Variants in INVS observed in about 807,000 individuals in gnomAD.
INVS encodes inversion of embryo turning homolog.
In INVS, 86 loss-of-function variants were observed where a neutral mutation model predicts 108.8. That is an observed-to-expected ratio of 0.79 (90% CI 0.66 to 0.95). The LOEUF (loss-of-function observed/expected upper bound fraction) is 0.95, where lower values mean the gene tolerates loss of function less well. Ranked by LOEUF, INVS falls within the 40% of genes least tolerant of loss-of-function variation. The probability of loss-of-function intolerance (pLI) is 0.00; values close to 1 mark genes in which losing one functional copy is unlikely to be tolerated. For missense variants in INVS, 1,169 were observed against 1,297.4 expected, an observed-to-expected ratio of 0.90 and a Z score of 1.52; for synonymous variants, 455 against 473.5, an observed-to-expected ratio of 0.96 and a Z score of 0.51.
chr9:100,147,421 C>G (rs1480582880), intron 3 of INVS, among the ~76,000 whole-genome samples: 3 of 152,134 alleles, frequency 2.0e-5, no homozygotes. Context: ...AAAATATGTT[C>G]AAATATACGT....
At position 100,155,157 on chromosome 9, in the gene INVS, G is replaced by A. The variant is rs187850023; in HGVS notation, c.273+28608G>A. ...ACCCGGGAGGCAGAGGTTGCAGAGA[G>A]CCGAGATAGTGCCATTGCACTCCAG... is the stretch of plus-strand genomic sequence containing the variant. On this transcript the variant is annotated intron_variant, in intron 3 of 16. Transcript: ENST00000262457. Among the ~76,000 whole-genome samples the A allele has an allele frequency of 2.4e-3, 355 of 150,958 alleles. 3 individuals are homozygous for A. The highest frequency in any genetic ancestry group is 2.4e-3 in the Admixed American group (37 of 15,148).
rs115514728 is a variant in INVS at position 100,201,958 on chromosome 9, G to A, written c.274-24104G>A. Among the ~76,000 whole-genome samples the A allele has an allele frequency of 4.5e-3, 680 of 152,282 alleles. 7 individuals carry two copies. The highest frequency in any genetic ancestry group is 0.015 in the African/African-American group (635 of 41,562). The stretch of plus-strand genomic sequence containing the variant: ...ACAAGCCAGTGTTAGTATGCTGAGT[G>A]TCCCATACAAGCAAGTCTGGCCATA... On this transcript the variant is annotated intron_variant, in intron 3 of 16. Transcript: ENST00000262457.
At chr9:100,270,522 A>C (rs1832918726) in intron 11 of INVS, among the ~76,000 whole-genome samples, 1 of 152,022 alleles carries the variant, frequency 6.6e-6, no homozygotes, top group Non-Finnish European at 1.5e-5. Flanking sequence ...AGGTGGTCGG[A>C]TCACCTGAGG....
chr9:100,218,215 A>G lies in INVS; in HGVS notation c.274-7847A>G, dbSNP rs543218371. Among the ~76,000 whole-genome samples, 9 of 152,350 alleles carry G rather than the reference A, an allele frequency of 5.9e-5. No homozygotes were observed. The South Asian group carries it at 1.9e-3, about 32-fold the overall frequency. On this transcript the variant is annotated intron_variant, in intron 3 of 16. Coordinates refer to ENST00000262457, the MANE Select transcript of INVS (RefSeq NM_014425.5). ...ACAAAAAAATATAGTGAACATTTAT[A>G]TATATATAGTGAGCAATTGTTTTTC...
intron 9 of INVS, 30 bp from the exon 10 acceptor site, chr9:100,252,877 G>A (rs752190027): frequency 2.0e-6 from 3 of 1,469,424 alleles, no homozygotes; most frequent in Non-Finnish European, 2.9e-6. Context: ...ATTTATATTA[G>A]ACATTCTCAT....
At chr9:100,126,604 G>T in intron 3 of INVS, 55 bp downstream of exon 3, 1 of 1,512,154 alleles carries the variant, frequency 6.6e-7, no homozygotes, top group Non-Finnish European at 9.2e-7. Flanking sequence ...TCTGCTAGTT[G>T]ATTAGTGGAA....
chr9:100,178,494 C>A (rs1434406413), intron 3 of INVS, among the ~76,000 whole-genome samples: 2 of 152,018 alleles, frequency 1.3e-5, no homozygotes, highest in Non-Finnish European at 2.9e-5. Context: ...GTGAAGCACA[C>A]GCAAGTATCA....
chr9:100,293,602 T>C lies in INVS; in HGVS notation c.2786+559T>C, dbSNP rs766422283. The stretch of plus-strand genomic sequence containing the variant: ...GATTGAGTGACTAAACTGTATTATG[T>C]AAACCTGTCTGAGCATCTACCAAGC... On this transcript the variant is annotated intron_variant, in intron 14 of 16. Transcript: ENST00000262457. Among the ~76,000 whole-genome samples the C allele has an allele frequency of 1.2e-3, 177 of 152,314 alleles. 5 individuals are homozygous for C. The highest frequency in any genetic ancestry group is 5.2e-4 in the Admixed American group (8 of 15,304).
Position 100,234,987 on chromosome 9 carries a change from G to A in INVS, c.616-5073G>A, listed in dbSNP as rs368770333. Reference sequence around the variant, plus strand: ...GGTGTTAAAGTATCCCACTATTATTGTGTGGGAGTGTAAGTCTCTTTGTAG... The same window carrying A: ...GGTGTTAAAGTATCCCACTATTATTATGTGGGAGTGTAAGTCTCTTTGTAG... On this transcript the variant is annotated intron_variant, in intron 5 of 16. Transcript: ENST00000262457. 8.5e-5 allele frequency among the ~76,000 whole-genome samples: 13 copies of A among 152,294 alleles called. No homozygotes were observed. The East Asian group carries it at 2.1e-3, about 25-fold the overall frequency.
At chr9:100,114,036 A>AT (rs1827427869) in intron 2 of INVS, among the ~76,000 whole-genome samples, 2 of 152,184 alleles carry the variant, frequency 1.3e-5, no homozygotes, top group African/African-American at 2.4e-5. Flanking sequence ...AAGTGGCAAC[A>AT]TTTTTTTCAC....
intron 5 of INVS, among the ~76,000 whole-genome samples, chr9:100,231,623 G>A (rs963546894): frequency 2.0e-5 from 3 of 150,096 alleles, no homozygotes; most frequent in Non-Finnish European, 4.4e-5. Context: ...CTGTTCTTGT[G>A]TTAATTTTCG....
chr9:100,174,337 A>G (rs559338807), intron 3 of INVS, among the ~76,000 whole-genome samples: 44 of 152,302 alleles, frequency 2.9e-4, no homozygotes, highest in Middle Eastern at 3.4e-3. Flanking sequence ...AGAAGGGCTT[A>G]TCAGCAGATT....
At chr9:100,108,416 C>CT (rs1827242998) in intron 2 of INVS, among the ~76,000 whole-genome samples, 3 of 152,090 alleles carry the variant, frequency 2.0e-5, no homozygotes, top group Admixed American at 2.0e-4. Flanking sequence ...TTCTGTGTAC[C>CT]TTTGCTCTAG....
chr9:100,217,725 C>A (rs191669662), intron 3 of INVS, among the ~76,000 whole-genome samples: 17 of 152,202 alleles, frequency 1.1e-4, no homozygotes, highest in African/African-American at 3.6e-4. Context: ...CACTGCAAAC[C>A]CCACTCTGGA....
intron 3 of INVS, among the ~76,000 whole-genome samples, chr9:100,184,372 T>C (rs1829993320): frequency 1.3e-5 from 2 of 152,154 alleles, no homozygotes; most frequent in Non-Finnish European, 2.9e-5. Flanking sequence ...ACAGAGAGTA[T>C]ATGTTGCTGG....
In INVS at chr9:100,292,775, C is replaced by T. The variant is rs769446737; in HGVS notation, c.2518C>T (p.Leu840Phe). 1.2e-6 allele frequency: 2 copies of T among 1,614,166 alleles called. No individual in the cohort carries two copies. ...AAGAAACAAAGTGACACAAGCCAAG[C>T]TCACAGGAGGGCTCTATTCACATTT... ...TPRNKVTQAK[L>F]TGGLYSHLPQ... The change falls in exon 14 of 17, where the codon CTC becomes TTC. Residue 840 changes from leucine to phenylalanine, a missense_variant. Around this residue, in one of 3 missense-constraint regions of INVS, gnomAD observed 533 missense variants for 536.0 expected, o/e 0.99. Coordinates refer to ENST00000262457, the MANE Select transcript of INVS (RefSeq NM_014425.5).
chr9:100,099,694 T>C (rs1233796808), intron 1 of INVS, among the ~76,000 whole-genome samples: 1 of 152,198 alleles, frequency 6.6e-6, no homozygotes, highest in Non-Finnish European at 1.5e-5. Context: ...TAGCACGTCG[T>C]AAACTGGAAA....
intron 3 of INVS, among the ~76,000 whole-genome samples, chr9:100,137,274 A>G (rs2118933286): frequency 6.6e-6 from 1 of 152,266 alleles, no homozygotes; most frequent in Middle Eastern, 3.4e-3. Context: ...GGGAGACTGG[A>G]TAGGAAAGGA....
chr9:100,211,808 A>G (rs912748685), intron 3 of INVS, among the ~76,000 whole-genome samples: 3 of 152,242 alleles, frequency 2.0e-5, no homozygotes, highest in Admixed American at 2.0e-4. Context: ...CTTGGAAAAT[A>G]GCAAATAAAG....
Sources: gnomAD v4.1 joint callset for allele counts (sites outside exome capture counted in the v4.1 genomes callset) on GRCh38, gnomAD v4.1.1 for gene constraint, gnomAD v4.1.1 regional missense constraint, MANE v1.5 for transcripts, NCBI Gene and HGNC (gene_info 2026-07-23, HGNC 2026-07-21) for gene names.